RFTN2: variants seen among roughly 807,000 people sequenced by gnomAD.
RFTN2 encodes raftlin family member 2.
Under a neutral mutation model 52.7 loss-of-function variants are expected in RFTN2, and 34 were observed. The observed-to-expected ratio is 0.64, with a 90% CI of 0.49 to 0.86. The LOEUF is 0.86. Among genes scored for constraint, RFTN2 ranks in the 40% least tolerant of loss-of-function variants. The pLI, the probability that RFTN2 is intolerant of heterozygous loss-of-function variation, is 0.00. For missense variants in RFTN2, 536 were observed against 600.1 expected, an observed-to-expected ratio of 0.89 and a Z score of 1.12; for synonymous variants, 203 against 217.7, an observed-to-expected ratio of 0.93 and a Z score of 0.59.
At chr2:197,586,272 C>T (rs1411682681) in intron 8 of RFTN2, among the ~76,000 whole-genome samples, 1 of 152,144 alleles carries the variant, frequency 6.6e-6, no homozygotes, top group African/African-American at 2.4e-5. Flanking sequence ...AGATACTCAT[C>T]GTTTTCTCAC....
intron 3 of RFTN2, 68 bp downstream of exon 3, chr2:197,644,090 G>C: frequency 1.1e-6 from 1 of 912,714 alleles, no homozygotes; most frequent in African/African-American, 1.6e-5. Flanking sequence ...GGGTAAAAAA[G>C]GGAATTGATG....
At chr2:197,633,424 T>G (rs1005220218) in intron 4 of RFTN2, among the ~76,000 whole-genome samples, 78 of 152,164 alleles carry the variant, frequency 5.1e-4, no homozygotes, top group Non-Finnish European at 7.4e-5. Context: ...TTGGTACACA[T>G]GTACAGCCTC....
intron 7 of RFTN2, among the ~76,000 whole-genome samples, chr2:197,611,359 G>A (rs188330597): frequency 1.3e-5 from 2 of 152,302 alleles, no homozygotes; most frequent in East Asian, 3.9e-4. Context: ...ATGTGTCCAG[G>A]AAGTCATCCC....
At position 197,646,589 on chromosome 2, in the gene RFTN2, C is replaced by G; in HGVS notation, c.217G>C (p.Gly73Arg). The G allele has an allele frequency of 6.2e-7, 1 of 1,613,010 alleles. No individual in the cohort carries two copies. Among genetic ancestry groups the G allele is most frequent in the Non-Finnish European group, 8.5e-7 (1 of 1,179,014 alleles). The change falls in exon 2 of 9, where the codon GGA (glycine) becomes CGA (arginine). Residue 73 changes from glycine (G) to arginine (R), a missense_variant. Coordinates refer to ENST00000295049, the MANE Select transcript of RFTN2 (RefSeq NM_144629.3). ...VTKVENYYLKGYIVGAIHPVI... is the reference protein window; with the variant it reads ...VTKVENYYLKRYIVGAIHPVI... The stretch of plus-strand genomic sequence containing the variant: ...GGATGAATAGCCCCGACAATATATC[C>G]TTTAAGATAATAGTTTTCCACTTTT...
chr2:197,665,098 C>G lies in RFTN2; in HGVS notation c.139+10222G>C, dbSNP rs188691637. 1.6e-4 allele frequency among the ~76,000 whole-genome samples: 24 copies of G among 152,222 alleles called. No homozygotes were observed. In the East Asian group the frequency reaches 3.7e-3, roughly 23 times the overall value. ...AGTTGAACCCCAAACCTCAGCATCA[C>G]GCAATATCCCGTGTAACAAACCTGC... On this transcript the variant is annotated intron_variant, in intron 1 of 8. Coordinates refer to ENST00000295049, the MANE Select transcript of RFTN2 (RefSeq NM_144629.3).
chr2:197,659,978 A>G (rs558381337), intron 1 of RFTN2, among the ~76,000 whole-genome samples: 29 of 152,342 alleles, frequency 1.9e-4, no homozygotes, highest in Middle Eastern at 3.4e-3. Flanking sequence ...TTATGTGCCA[A>G]TTCTTAATTA....
At chr2:197,631,371 A>G (rs1295014975) in intron 4 of RFTN2, 151 bp from the exon 5 acceptor site, 13 of 670,694 alleles carry the variant, frequency 1.9e-5, no homozygotes, top group Non-Finnish European at 3.1e-5. Context: ...GTTTCAGACT[A>G]TTTTTTCAAA....
intron 1 of RFTN2, among the ~76,000 whole-genome samples, chr2:197,652,289 G>T (rs2088836640): frequency 1.3e-5 from 2 of 152,176 alleles, no homozygotes; most frequent in East Asian, 3.8e-4. Flanking sequence ...CTGGCAATAT[G>T]AGGAAAGCCC....
At chr2:197,665,854 T>C (rs1048852124) in intron 1 of RFTN2, among the ~76,000 whole-genome samples, 11 of 152,232 alleles carry the variant, frequency 7.2e-5, no homozygotes, top group African/African-American at 2.7e-4. Flanking sequence ...TTGCTCTTCC[T>C]GTTTATCATT....
At chr2:197,634,117 G>A (rs1399751958) in intron 3 of RFTN2, 120 bp from the exon 4 acceptor site, 1 of 794,188 alleles carries the variant, frequency 1.3e-6, no homozygotes, top group East Asian at 2.7e-5. Context: ...CTTGACCAGT[G>A]ACAAGACTCA....
At position 197,569,587 on chromosome 2, in the gene RFTN2, AAAT is replaced by A; in HGVS notation, c.*2418_*2420del. The A allele has an allele frequency of 6.6e-6, 1 of 152,330 alleles. No individual in the cohort carries two copies. Among genetic ancestry groups the A allele is most frequent in the Non-Finnish European group, 1.5e-5 (1 of 68,030 alleles). 9.4% of individuals were successfully genotyped at this position (152,330 alleles called of 1,614,324 possible). On this transcript the variant is annotated 3_prime_UTR_variant, in exon 9 of 9. Coordinates refer to ENST00000295049, the MANE Select transcript of RFTN2 (RefSeq NM_144629.3). Reference sequence around the variant, plus strand: ...TTTAATAAGAAATAACTCAGATTAAAAATAAACGGGAGGGGAGAAAAAAATAAA... The same window carrying A: ...TTTAATAAGAAATAACTCAGATTAAAAAACGGGAGGGGAGAAAAAAATAAA...
intron 1 of RFTN2, among the ~76,000 whole-genome samples, chr2:197,656,589 A>G (rs2088896681): frequency 6.6e-6 from 1 of 152,178 alleles, no homozygotes; most frequent in Middle Eastern, 3.2e-3. Flanking sequence ...GTTTCAAATG[A>G]AGTTGCCCTT....
chr2:197,578,007 G>A (rs919410620), intron 8 of RFTN2, among the ~76,000 whole-genome samples: 2 of 152,108 alleles, frequency 1.3e-5, no homozygotes, highest in African/African-American at 2.4e-5. Flanking sequence ...GTGAGCCACC[G>A]CGCCCAGCCA....
intron 7 of RFTN2, among the ~76,000 whole-genome samples, chr2:197,601,896 T>C (rs1033441185): frequency 1.3e-5 from 2 of 152,116 alleles, no homozygotes; most frequent in African/African-American, 4.8e-5. Context: ...TCATGATCCG[T>C]GGTATTAAAG....
chr2:197,585,339 C>T (rs983101417), intron 8 of RFTN2, among the ~76,000 whole-genome samples: 13 of 152,204 alleles, frequency 8.5e-5, no homozygotes, highest in Admixed American at 2.6e-4. Context: ...TTCTCAACTA[C>T]TTGTAAATGC....
chr2:197,573,104 C>CG (rs1185947812), intron 8 of RFTN2, among the ~76,000 whole-genome samples: 1 of 85,284 alleles, frequency 1.2e-5, no homozygotes, highest in Non-Finnish European at 2.3e-5. Flanking sequence ...AGTAGAGTGG[C>CG]GGGGGTGGGG....
chr2:197,651,420 A>G (rs1193052930), intron 1 of RFTN2, among the ~76,000 whole-genome samples: 1 of 152,184 alleles, frequency 6.6e-6, no homozygotes, highest in Non-Finnish European at 1.5e-5. Context: ...GGAGTTTGAG[A>G]CCAGCCTGGC....
chr2:197,615,557 GAACT>G (rs1303827192), intron 7 of RFTN2, among the ~76,000 whole-genome samples: 1 of 150,246 alleles, frequency 6.7e-6, no homozygotes, highest in Admixed American at 6.6e-5. Context: ...GTGCCAAGGG[GAACT>G]AACTCACCAC....
intron 1 of RFTN2, among the ~76,000 whole-genome samples, chr2:197,664,701 C>G (rs1034650618): frequency 6.6e-6 from 1 of 151,896 alleles, no homozygotes; most frequent in Non-Finnish European, 1.5e-5. Context: ...GGGAGGATCA[C>G]TTGAGCCTGG....
Sources: gnomAD v4.1 joint callset for allele counts (sites outside exome capture counted in the v4.1 genomes callset) on GRCh38, gnomAD v4.1.1 for gene constraint, MANE v1.5 for transcripts, NCBI Gene and HGNC (gene_info 2026-07-23, HGNC 2026-07-21) for gene names.